The following ADK variants were observed in gnomAD, a reference collection of about 807,000 sequenced individuals.
ADK encodes adenosine kinase.
In ADK, 24 loss-of-function variants were observed where a neutral mutation model predicts 44.7. The observed-to-expected ratio is 0.54, with a 90% CI of 0.39 to 0.76. ADK has a LOEUF of 0.76. ADK is among the 30% of genes least tolerant of loss of function. The pLI, the probability that ADK is intolerant of heterozygous loss-of-function variation, is 0.00. For missense variants in ADK, 321 were observed against 425.1 expected, an observed-to-expected ratio of 0.76 and a Z score of 2.15; for synonymous variants, 128 against 142.6, an observed-to-expected ratio of 0.90 and a Z score of 0.73.
intron 2 of ADK, 104 bp from the exon 3 acceptor site, chr10:74,224,434 C>A: frequency 1.2e-6 from 1 of 865,392 alleles, no homozygotes; most frequent in Non-Finnish European, 1.9e-6. Context: ...TCAATTAAGT[C>A]AGAGACCTAT....
chr10:74,436,544 C>G (rs1308445114), intron 6 of ADK, among the ~76,000 whole-genome samples: 1 of 151,274 alleles, frequency 6.6e-6, no homozygotes, highest in African/African-American at 2.4e-5. Context: ...ATATTGTAAC[C>G]CTTAGGGCAA....
chr10:74,564,496 A>G (rs981334495), intron 7 of ADK, among the ~76,000 whole-genome samples: 2 of 152,152 alleles, frequency 1.3e-5, no homozygotes, highest in Non-Finnish European at 2.9e-5. Flanking sequence ...TTCAAGGTCC[A>G]ACACAGAAAT....
intron 9 of ADK, among the ~76,000 whole-genome samples, chr10:74,640,925 G>A (rs183587638): frequency 8.5e-5 from 13 of 152,230 alleles, no homozygotes; most frequent in South Asian, 4.1e-4. Context: ...TTTTTAAAGC[G>A]TAGGCAAATA....
At chr10:74,154,779 T>C (rs1052632692) in intron 1 of ADK, among the ~76,000 whole-genome samples, 2 of 152,250 alleles carry the variant, frequency 1.3e-5, no homozygotes, top group African/African-American at 4.8e-5. Context: ...CACATTATAA[T>C]GTCTTTCCTT....
At position 74,377,830 on chromosome 10, in the gene ADK, C is replaced by T. The variant is rs373713642; in HGVS notation, c.274-16311C>T. Among the ~76,000 whole-genome samples the T allele has an allele frequency of 2.2e-4, 34 of 152,246 alleles. 1 individual carries two copies. Among genetic ancestry groups the T allele is most frequent in the East Asian group, 1.7e-3 (9 of 5,184 alleles). ...GACCAACCTCCTATCTCATCAAGGCCGGGAAACTTCGTTTTTAAAGTTTTT... is the reference window on the plus strand; with the variant it reads ...GACCAACCTCCTATCTCATCAAGGCTGGGAAACTTCGTTTTTAAAGTTTTT... On this transcript the variant is annotated intron_variant, in intron 4 of 10. Coordinates refer to ENST00000539909, the MANE Select transcript of ADK (RefSeq NM_006721.4).
chr10:74,471,447 ATCTT>A (rs771950782), intron 6 of ADK, among the ~76,000 whole-genome samples: 5 of 152,028 alleles, frequency 3.3e-5, no homozygotes, highest in Admixed American at 6.6e-5. Context: ...TGAGGCCTCT[ATCTT>A]TGTTTTTCTT....
At chr10:74,402,322 T>C (rs1592156833) in intron 6 of ADK, among the ~76,000 whole-genome samples, 1 of 152,332 alleles carries the variant, frequency 6.6e-6, no homozygotes. Flanking sequence ...CTGAATAATA[T>C]CCTGCAGAGT....
intron 7 of ADK, among the ~76,000 whole-genome samples, chr10:74,573,994 G>A (rs779379968): frequency 2.0e-5 from 3 of 152,172 alleles, no homozygotes; most frequent in Non-Finnish European, 2.9e-5. Context: ...TTTGGCTCAC[G>A]CACAGTGCGC....
intron 6 of ADK, among the ~76,000 whole-genome samples, chr10:74,471,526 A>G (rs1168122473): frequency 1.3e-5 from 2 of 152,126 alleles, no homozygotes; most frequent in South Asian, 2.1e-4. Flanking sequence ...ATTTTTTTCT[A>G]TATCTGCAAA....
At chr10:74,412,521 G>A (rs1844220567) in intron 6 of ADK, among the ~76,000 whole-genome samples, 1 of 152,174 alleles carries the variant, frequency 6.6e-6, no homozygotes, top group Admixed American at 6.5e-5. Context: ...CCCATCAGAT[G>A]AGTCACTATG....
At chr10:74,157,764 T>C (rs1841792505) in intron 1 of ADK, among the ~76,000 whole-genome samples, 1 of 150,456 alleles carries the variant, frequency 6.6e-6, no homozygotes, top group Non-Finnish European at 1.5e-5. Flanking sequence ...TGGTGGTCCA[T>C]GCCTATAATC....
At chr10:74,540,909 G>A (rs1486507354) in intron 7 of ADK, among the ~76,000 whole-genome samples, 6 of 152,058 alleles carry the variant, frequency 3.9e-5, no homozygotes, top group Admixed American at 3.3e-4. Flanking sequence ...AGAGAAAATA[G>A]GAGTCAAGAA....
At chr10:74,624,029 G>T (rs1853093618) in intron 9 of ADK, among the ~76,000 whole-genome samples, 1 of 152,120 alleles carries the variant, frequency 6.6e-6, no homozygotes, top group African/African-American at 2.4e-5. Context: ...ATCTTTGGAA[G>T]TATAGCTGAA....
chr10:74,472,925 A>G (rs1846657736), intron 6 of ADK, among the ~76,000 whole-genome samples: 1 of 151,964 alleles, frequency 6.6e-6, no homozygotes, highest in African/African-American at 2.4e-5. Flanking sequence ...GTATTTATTG[A>G]TATCTCATTG....
chr10:74,688,162 G>A (rs1855859736), intron 10 of ADK, among the ~76,000 whole-genome samples: 1 of 152,166 alleles, frequency 6.6e-6, no homozygotes, highest in Admixed American at 6.6e-5. Flanking sequence ...TGCCTAGAAT[G>A]TTCCTCCCCT....
chr10:74,268,748 T>G (rs2132400796), intron 3 of ADK, among the ~76,000 whole-genome samples: 1 of 152,350 alleles, frequency 6.6e-6, no homozygotes, highest in South Asian at 2.1e-4. Context: ...CCGCTTTCAG[T>G]GCTGAAAATG....
chr10:74,235,043 C>T (rs1844907368), intron 3 of ADK, among the ~76,000 whole-genome samples: 1 of 151,216 alleles, frequency 6.6e-6, no homozygotes. Flanking sequence ...ATTTCTAGGT[C>T]TGTAGGTCTG....
At chr10:74,655,015 G>T in intron 9 of ADK, 2 of 201,388 alleles carry the variant, frequency 9.9e-6, no homozygotes, top group South Asian at 1.7e-4. Flanking sequence ...GACCCCTCCT[G>T]ACTGGGGCCC....
intron 2 of ADK, among the ~76,000 whole-genome samples, chr10:74,208,786 C>T (rs947798659): frequency 9.9e-5 from 15 of 151,740 alleles, no homozygotes; most frequent in African/African-American, 2.9e-4. Flanking sequence ...ACCCAAGCTG[C>T]AGTGCAGTGG....
Sources: allele counts gnomAD v4.1 joint callset (sites outside exome capture counted in the v4.1 genomes callset), GRCh38; gene constraint gnomAD v4.1.1; transcripts MANE v1.5; gene names NCBI Gene and HGNC (gene_info 2026-07-23, HGNC 2026-07-21).